The following ZNF33B variants were observed in gnomAD, a reference collection of about 807,000 sequenced individuals.
ZNF33B encodes zinc finger protein 11b (KOX 2).
ZNF33B carries 29 observed loss-of-function variants against 45.8 expected under a neutral mutation model. The ratio of observed to expected loss-of-function variants is 0.63; its 90% confidence interval spans 0.47 to 0.86. The LOEUF is 0.86. Ranked by LOEUF, ZNF33B falls within the 40% of genes least tolerant of loss-of-function variation. ZNF33B has a pLI of 0.00. For missense variants in ZNF33B, 831 were observed against 909.9 expected (o/e 0.91, Z 1.12); for synonymous variants, 305 against 307.8 (o/e 0.99, Z 0.10).
intron 4 of ZNF33B, among the ~76,000 whole-genome samples, chr10:42,611,232 T>A (rs778359119): frequency 6.6e-6 from 1 of 151,968 alleles, no homozygotes; most frequent in Non-Finnish European, 1.5e-5. Flanking sequence ...TCCTAGCTAC[T>A]TGGGAGGCTG....
In ZNF33B at chr10:42,592,917, G is replaced by A. The variant is rs1374106077; in HGVS notation, c.2033C>T (p.Ser678Leu). ...CTTTCTCTCATGTAAAATAAGTCCT[G>A]ACTTCACACAGAAAGATTTTCCACA... is the stretch of plus-strand genomic sequence containing the variant. Reference protein sequence around the residue: ...NECGKSFCVKSGLILHERKHT... With the variant: ...NECGKSFCVKLGLILHERKHT... Residue 678 changes from serine (S) to leucine (L), a missense_variant, in exon 5 of 5, where the codon TCA (serine) becomes TTA (leucine). Transcript: ENST00000359467. 1 of 1,613,920 alleles carries A rather than the reference G, an allele frequency of 6.2e-7. No homozygotes were observed. Among genetic ancestry groups the A allele is most frequent in the African/African-American group, 1.3e-5 (1 of 74,940 alleles).
At position 42,593,412 on chromosome 10, in the gene ZNF33B, G is replaced by A. The variant is rs1340168108; in HGVS notation, c.1538C>T (p.Thr513Ile). The A allele has an allele frequency of 3.1e-6, 5 of 1,613,962 alleles. No individual in the cohort carries two copies. In the South Asian group the frequency reaches 4.4e-5, roughly 14 times the overall value. ...GKTFYHKSVL[T>I]RHQIIHTGLK... ...CCCTGTATGAATTATCTGATGCCTG[G>A]TGAGTACTGACTTGTGGTAGAAAGT... Residue 513 changes from threonine (T) to isoleucine (I), a missense_variant, in exon 5 of 5, where the codon ACC becomes ATC. Thr to Ile is a moderately conservative substitution (Grantham distance 89). Transcript: ENST00000359467.
At chr10:42,626,654 C>T (rs1469648197) in intron 4 of ZNF33B, among the ~76,000 whole-genome samples, 6 of 151,248 alleles carry the variant, frequency 4.0e-5, no homozygotes, top group Non-Finnish European at 8.8e-5. Context: ...CACCACTGCA[C>T]TCCAGCCTGG....
chr10:42,637,360 G>A (rs1839355655), intron 1 of ZNF33B, among the ~76,000 whole-genome samples: 2 of 152,196 alleles, frequency 1.3e-5, no homozygotes, highest in African/African-American at 4.8e-5. Flanking sequence ...GATTTTCCCA[G>A]TAATGTTACT....
In ZNF33B at chr10:42,594,041, A is replaced by G; in HGVS notation, c.909T>C (p.Cys303=). Residue 303 remains cysteine, a synonymous_variant, in exon 5 of 5, where the codon TGT becomes TGC. Coordinates refer to ENST00000359467, the MANE Select transcript of ZNF33B (RefSeq NM_006955.3). ...TCCTGAAATTATTCCCACTTTCACC[A>G]CAATCATAGTGTTTCACAGGTACCC... ...HDGVPVKHYD[C]GESGNNFRRK... is the part of the protein sequence containing the mutation. 6.2e-7 allele frequency: 1 copy of G among 1,614,076 alleles called. No individual in the cohort carries two copies. The highest frequency in any genetic ancestry group is 2.2e-5 in the East Asian group (1 of 44,872).
chr10:42,610,167 A>C (rs1282385919), intron 4 of ZNF33B, among the ~76,000 whole-genome samples: 1 of 152,250 alleles, frequency 6.6e-6, no homozygotes, highest in East Asian at 1.9e-4. Context: ...AAACACTATT[A>C]AAACTAATAA....
At chr10:42,587,237 T>C (rs1836952961), downstream of ZNF33B, among the ~76,000 whole-genome samples, 1 of 152,180 alleles carries the variant, frequency 6.6e-6, no homozygotes, top group Admixed American at 6.5e-5. Context: ...TCTTGCTCTC[T>C]TGCCCAAGCT....
intron 1 of ZNF33B, chr10:42,583,294 A>G (rs1486569510): frequency 6.4e-6 from 3 of 466,562 alleles, no homozygotes; most frequent in South Asian, 2.3e-5. Context: ...TCCTCCTTCA[A>G]GCTTTTCAGA....
At chr10:42,606,792 A>G (rs1437854161) in intron 4 of ZNF33B, among the ~76,000 whole-genome samples, 2 of 78,700 alleles carry the variant, frequency 2.5e-5, no homozygotes, top group Non-Finnish European at 6.2e-5. Context: ...ACAGAACTTA[A>G]AGTAAAAAAA....
chr10:42,594,244 T>A lies in ZNF33B; in HGVS notation c.706A>T (p.Thr236Ser). ...ETLLEKAVFN[T>S]RKRENAEENN... ...TCTTCTGCATTCTCTCTCTTCCGTG[T>A]ATTGAATACTGCCTTTTCAAGGAGG... Residue 236 changes from threonine (T) to serine (S), a missense_variant, in exon 5 of 5, where the codon ACA (threonine) becomes TCA (serine). By Grantham distance (58) the Thr-to-Ser change is moderately conservative. Coordinates refer to ENST00000359467, the MANE Select transcript of ZNF33B (RefSeq NM_006955.3). The A allele has an allele frequency of 6.2e-7, 1 of 1,613,838 alleles. No homozygotes were observed. Among genetic ancestry groups the A allele is most frequent in the Non-Finnish European group, 8.5e-7 (1 of 1,179,934 alleles).
At chr10:42,630,509 G>A (rs1446539303) in intron 4 of ZNF33B, among the ~76,000 whole-genome samples, 7 of 152,138 alleles carry the variant, frequency 4.6e-5, no homozygotes, top group Non-Finnish European at 1.0e-4. Flanking sequence ...AATTTGAGAA[G>A]GACCAGCCAT....
chr10:42,621,417 C>T (rs1838582850), intron 4 of ZNF33B, among the ~76,000 whole-genome samples: 1 of 151,896 alleles, frequency 6.6e-6, no homozygotes, highest in African/African-American at 2.4e-5. Flanking sequence ...CACATACACA[C>T]ACACACAAAT....
At chr10:42,632,494 C>T in intron 2 of ZNF33B, 55 bp from the exon 3 acceptor site, 2 of 1,567,932 alleles carry the variant, frequency 1.3e-6, no homozygotes, top group Non-Finnish European at 8.6e-7. Flanking sequence ...TAATCCTTAC[C>T]ATGATTATTA....
intron 4 of ZNF33B, among the ~76,000 whole-genome samples, chr10:42,611,404 T>A (rs1210744354): frequency 6.6e-6 from 1 of 152,102 alleles, no homozygotes; most frequent in East Asian, 1.9e-4. Context: ...AACTGAATAT[T>A]TGTATGAAAA....
chr10:42,604,548 CAGAAA>C (rs1172917570), intron 4 of ZNF33B, among the ~76,000 whole-genome samples: 2 of 152,098 alleles, frequency 1.3e-5, no homozygotes, highest in Non-Finnish European at 2.9e-5. Context: ...AGTAAGAAGA[CAGAAA>C]AGAATACAAT....
rs562005270 is a variant in ZNF33B at position 42,590,176 on chromosome 10, T to C, written c.*2437A>G. ...TCTGCATCTGTGTTCACTGGAAATATTGATCTGTAGTTTTCCTTTCTTGTA... is the reference window on the plus strand; with the variant it reads ...TCTGCATCTGTGTTCACTGGAAATACTGATCTGTAGTTTTCCTTTCTTGTA... On this transcript the variant is annotated 3_prime_UTR_variant, in exon 5 of 5. Transcript: ENST00000359467. 15 of 152,310 alleles carry C rather than the reference T, an allele frequency of 9.8e-5. No homozygotes were observed. The highest frequency in any genetic ancestry group is 3.4e-3 in the Middle Eastern group (1 of 294). 9.4% of individuals were successfully genotyped at this position (152,310 alleles called of 1,614,324 possible). A position where few individuals can be genotyped will look rare whatever the true frequency, so the allele number is the denominator to read the frequency against.
intron 1 of ZNF33B, among the ~76,000 whole-genome samples, chr10:42,578,114 G>A (rs1437512736): frequency 6.6e-6 from 1 of 152,148 alleles, no homozygotes; most frequent in Non-Finnish European, 1.5e-5. Flanking sequence ...CTCCGCTCAG[G>A]ACTCATTGGG....
chr10:42,581,431 T>C (rs1836823039), intron 1 of ZNF33B, among the ~76,000 whole-genome samples: 1 of 128,248 alleles, frequency 7.8e-6, no homozygotes, highest in South Asian at 2.6e-4. Context: ...ACCATTGCAC[T>C]CCAGCCTGGG....
Position 42,590,547 on chromosome 10 carries a change from GCTAA to G in ZNF33B, c.*2062_*2065del, listed in dbSNP as rs1837079655. ...CTATACACGCATGCCACCACGCCCG[GCTAA>G]CTTTTTGTATTTTTAGCCACCGCGC... On this transcript the variant is annotated 3_prime_UTR_variant, in exon 5 of 5. Transcript: ENST00000359467. 6.6e-6 allele frequency: 1 copy of G among 152,046 alleles called. No individual in the cohort carries two copies. Among genetic ancestry groups the G allele is most frequent in the Non-Finnish European group, 1.5e-5 (1 of 68,012 alleles). 9.4% of individuals were successfully genotyped at this position (152,046 alleles called of 1,614,324 possible).
Sources: gnomAD v4.1 joint callset for allele counts (sites outside exome capture counted in the v4.1 genomes callset) on GRCh38, gnomAD v4.1.1 for gene constraint, MANE v1.5 for transcripts, NCBI Gene and HGNC (gene_info 2026-07-23, HGNC 2026-07-21) for gene names.